The following AGBL1 variants were observed in gnomAD, a reference collection of about 807,000 sequenced individuals.
AGBL1 encodes the protein cytosolic carboxypeptidase 4.
AGBL1 carries 130 observed loss-of-function variants against 118.9 expected under a neutral mutation model. The ratio of observed to expected loss-of-function variants is 1.09; its 90% CI spans 0.95 to 1.26. The LOEUF is 1.26. Among genes scored for constraint, AGBL1 ranks in the 50% most tolerant of loss-of-function variants. The probability of loss-of-function intolerance (pLI) is 0.00; values close to 1 mark genes in which losing one functional copy is unlikely to be tolerated. For missense variants in AGBL1, 1,584 were observed against 1,298.1 expected (o/e 1.22, Z -3.38); for synonymous variants, 555 against 478.9 (o/e 1.16, Z -2.08).
chr15:86,252,062 C>T (rs1304459093), intron 7 of AGBL1, among the ~76,000 whole-genome samples: 1 of 152,164 alleles, frequency 6.6e-6, no homozygotes, highest in African/African-American at 2.4e-5. Flanking sequence ...AGATCCTACC[C>T]CAGAGTTTCT....
intron 24 of AGBL1, among the ~76,000 whole-genome samples, chr15:87,009,210 T>C (rs1393050622): frequency 2.0e-5 from 3 of 152,140 alleles, no homozygotes; most frequent in Non-Finnish European, 4.4e-5. Flanking sequence ...AGGGTCCCTA[T>C]GCTATGTGCA....
intron 5 of AGBL1, among the ~76,000 whole-genome samples, chr15:86,173,888 C>G (rs932106125): frequency 2.0e-5 from 3 of 152,018 alleles, no homozygotes; most frequent in African/African-American, 7.2e-5. Context: ...ATGCCTCCAG[C>G]TTTGTTCATT....
intron 23 of AGBL1, among the ~76,000 whole-genome samples, chr15:86,969,071 A>G (rs2081082233): frequency 1.3e-5 from 2 of 151,962 alleles, no homozygotes; most frequent in Non-Finnish European, 2.9e-5. Context: ...GCCTCCCAAA[A>G]TTTATGTCCT....
chr15:86,616,339 C>CAAAAAAAAAAAAAA (rs199936794), intron 21 of AGBL1, among the ~76,000 whole-genome samples: 25 of 49,272 alleles, frequency 5.1e-4, no homozygotes, highest in African/African-American at 1.6e-3. Flanking sequence ...TCCTCCACTT[C>CAAAAAAAAAAAAAA]AAAAAAAAAA....
At chr15:87,004,051 T>C (rs1177854645) in intron 24 of AGBL1, among the ~76,000 whole-genome samples, 1 of 152,206 alleles carries the variant, frequency 6.6e-6, no homozygotes, top group Non-Finnish European at 1.5e-5. Context: ...CTTTCAATTG[T>C]GATGTTAGGG....
intron 22 of AGBL1, among the ~76,000 whole-genome samples, chr15:86,796,451 T>G (rs1254138180): frequency 6.6e-6 from 1 of 152,224 alleles, no homozygotes; most frequent in Non-Finnish European, 1.5e-5. Flanking sequence ...AAAACTGTAT[T>G]GCTTGCTTCT....
chr15:86,583,061 C>A (rs1249074923), intron 21 of AGBL1, among the ~76,000 whole-genome samples: 1 of 150,760 alleles, frequency 6.6e-6, no homozygotes, highest in African/African-American at 2.4e-5. Flanking sequence ...TTTTAAAAAA[C>A]ACCATGGTAT....
chr15:86,864,137 C>A (rs28624336), intron 22 of AGBL1, among the ~76,000 whole-genome samples: 33,454 of 151,984 alleles, frequency 0.22, 3,912 homozygotes, highest in East Asian at 0.35. Context: ...GCCAGAGGCT[C>A]TTTCTCTTGA....
intron 22 of AGBL1, among the ~76,000 whole-genome samples, chr15:86,848,298 TTTTCTAA>T (rs1278846776): frequency 3.9e-5 from 6 of 152,214 alleles, no homozygotes; most frequent in African/African-American, 1.4e-4. Flanking sequence ...GTTTTTACTT[TTTTCTAA>T]TTTTGTAGCT....
intron 23 of AGBL1, among the ~76,000 whole-genome samples, chr15:86,964,031 C>CTCTCTCTCTG (rs1183866210): frequency 5.3e-4 from 78 of 146,298 alleles, no homozygotes; most frequent in Admixed American, 2.0e-3. Context: ...CTCTCTCTCT[C>CTCTCTCTCTG]TGTGTGTGTG....
chr15:86,315,959 A>G (rs992947610), intron 17 of AGBL1, among the ~76,000 whole-genome samples: 1 of 152,204 alleles, frequency 6.6e-6, no homozygotes, highest in Non-Finnish European at 1.5e-5. Flanking sequence ...TAAAGCTCTC[A>G]GGAAAAAACC....
chr15:86,484,062 C>G (rs745408432), intron 18 of AGBL1, among the ~76,000 whole-genome samples: 1 of 152,134 alleles, frequency 6.6e-6, no homozygotes, highest in African/African-American at 2.4e-5. Flanking sequence ...CATCTCTCCT[C>G]TTATCTATCC....
At chr15:86,836,372 T>G (rs1271789847) in intron 22 of AGBL1, among the ~76,000 whole-genome samples, 1 of 152,110 alleles carries the variant, frequency 6.6e-6, no homozygotes, top group African/African-American at 2.4e-5. Flanking sequence ...TAGAAGCAAT[T>G]TTTTCAGAGG....
At chr15:86,668,412 A>G (rs1017790755) in intron 21 of AGBL1, among the ~76,000 whole-genome samples, 2 of 152,140 alleles carry the variant, frequency 1.3e-5, no homozygotes, top group Non-Finnish European at 2.9e-5. Context: ...TGTGCCTTTT[A>G]ATGTAGTTTC....
chr15:86,708,551 A>G (rs2086495592), intron 22 of AGBL1, among the ~76,000 whole-genome samples: 1 of 152,160 alleles, frequency 6.6e-6, no homozygotes, highest in Admixed American at 6.6e-5. Context: ...TGAGCAGTCT[A>G]AGACAAGGTT....
In AGBL1 at chr15:86,187,005, T is replaced by G. The variant is rs561859782; in HGVS notation, c.488+27979T>G. The stretch of plus-strand genomic sequence containing the variant: ...TATTTCCATTAATAATTTGAGGACA[T>G]TAGTCTATTATTTATACTAACGTTA... On this transcript the variant is annotated intron_variant, in intron 5 of 22. Transcript: ENST00000614907. 3.0e-4 allele frequency among the ~76,000 whole-genome samples: 46 copies of G among 152,346 alleles called. No homozygotes were observed. In the South Asian group the frequency reaches 9.1e-3, roughly 30 times the overall value.
chr15:86,506,352 C>T (rs540937554), intron 18 of AGBL1, among the ~76,000 whole-genome samples: 13 of 151,926 alleles, frequency 8.6e-5, no homozygotes, highest in South Asian at 2.1e-4. Flanking sequence ...GTTTTAAGTT[C>T]GGTGGTTTGC....
At chr15:86,545,726 G>A (rs1365317394) in intron 19 of AGBL1, among the ~76,000 whole-genome samples, 1 of 152,080 alleles carries the variant, frequency 6.6e-6, no homozygotes, top group Admixed American at 6.6e-5. Context: ...TATCAAAAGA[G>A]CTATACATGA....
chr15:86,795,421 A>T (rs543134199), intron 22 of AGBL1, among the ~76,000 whole-genome samples: 1 of 152,052 alleles, frequency 6.6e-6, no homozygotes, highest in South Asian at 2.1e-4. Flanking sequence ...GCATTCCCTG[A>T]GGGTCCCATT....
Sources: gnomAD v4.1 joint callset for allele counts (sites outside exome capture counted in the v4.1 genomes callset) on GRCh38, gnomAD v4.1.1 for gene constraint, MANE v1.5 for transcripts, NCBI Gene and HGNC (gene_info 2026-07-23, HGNC 2026-07-21) for gene names.